Variants in DNAAF11 observed in about 807,000 individuals in gnomAD.
The protein encoded by DNAAF11 is dynein axonemal assembly factor 11.
A neutral mutation model predicts 60.8 loss-of-function variants in DNAAF11; 45 were observed. The ratio of observed to expected loss-of-function variants is 0.74; its 90% confidence interval spans 0.58 to 0.95. The LOEUF (loss-of-function observed/expected upper bound fraction) is 0.95. DNAAF11 is among the 40% of genes least tolerant of loss of function. DNAAF11 has a pLI of 0.00. For missense variants in DNAAF11, 546 were observed against 546.2 expected, an observed-to-expected ratio of 1.00 and a Z score of 0.00; for synonymous variants, 191 against 183.5, an observed-to-expected ratio of 1.04 and a Z score of -0.33.
chr8:132,668,802 A>G (rs1442236738), intron 1 of DNAAF11, among the ~76,000 whole-genome samples: 1 of 152,180 alleles, frequency 6.6e-6, no homozygotes, highest in Non-Finnish European at 1.5e-5. Flanking sequence ...AGGGCACCTT[A>G]GGCCATCGTG....
intron 10 of DNAAF11, among the ~76,000 whole-genome samples, chr8:132,607,805 A>G (rs1291292252): frequency 6.6e-6 from 1 of 152,170 alleles, no homozygotes; most frequent in Non-Finnish European, 1.5e-5. Flanking sequence ...ATGATATTTT[A>G]TCATATTAAA....
At chr8:132,617,292 C>T (rs902148016) in intron 7 of DNAAF11, among the ~76,000 whole-genome samples, 1 of 151,618 alleles carries the variant, frequency 6.6e-6, no homozygotes, top group Non-Finnish European at 1.5e-5. Context: ...TATAGGGCAC[C>T]CAAAAAACAA....
chr8:132,643,613 A>C, intron 3 of DNAAF11: 1 of 456,142 alleles, frequency 2.2e-6, no homozygotes, highest in Non-Finnish European at 4.4e-6. Context: ...GGGTAGGAGA[A>C]AATTGAGAAC....
chr8:132,612,700 C>A (rs927544437), intron 8 of DNAAF11, among the ~76,000 whole-genome samples: 7 of 152,168 alleles, frequency 4.6e-5, no homozygotes, highest in Non-Finnish European at 1.0e-4. Flanking sequence ...CCATGCCTGG[C>A]ACATAGTAGG....
intron 3 of DNAAF11, among the ~76,000 whole-genome samples, chr8:132,652,221 C>G (rs750516937): frequency 3.3e-5 from 5 of 152,176 alleles, no homozygotes; most frequent in African/African-American, 4.8e-5. Flanking sequence ...CACCCACTTG[C>G]AGAGTACACA....
At chr8:132,631,900 G>GAT (rs1417838619) in intron 5 of DNAAF11, among the ~76,000 whole-genome samples, 1 of 151,974 alleles carries the variant, frequency 6.6e-6, no homozygotes, top group Non-Finnish European at 1.5e-5. Flanking sequence ...AGCATTAGGA[G>GAT]ATATACCTAA....
At chr8:132,611,209 A>G (rs1586574863) in intron 9 of DNAAF11, 85 bp downstream of exon 9, 1 of 996,710 alleles carries the variant, frequency 1.0e-6, no homozygotes, top group Admixed American at 2.1e-5. Flanking sequence ...TTCTATTTTA[A>G]TAATACTTAA....
the DNAAF11 span, among the ~76,000 whole-genome samples, chr8:132,695,684 G>A: frequency 6.6e-6 from 1 of 152,206 alleles, no homozygotes; most frequent in South Asian, 2.1e-4. Flanking sequence ...AGATGATTGC[G>A]AGGCACCACC....
At position 132,639,505 on chromosome 8, in the gene DNAAF11, C is replaced by T. The variant is rs183150685; in HGVS notation, c.257-1398G>A. Among the ~76,000 whole-genome samples the T allele has an allele frequency of 2.7e-4, 41 of 152,244 alleles. 1 individual carries two copies. Among genetic ancestry groups the T allele is most frequent in the African/African-American group, 8.9e-4 (37 of 41,548 alleles). ...TGAATTTTGGTTCCTGATAGATTAA[C>T]GTCACCAATATGAATTTGATTCAGA... On this transcript the variant is annotated intron_variant, in intron 3 of 11. Transcript: ENST00000620350.
At chr8:132,701,108 G>T in the DNAAF11 span, among the ~76,000 whole-genome samples, 1 of 152,140 alleles carries the variant, frequency 6.6e-6, no homozygotes, top group African/African-American at 2.4e-5. Context: ...TGAAGAGGGA[G>T]CCCTCATGGC....
chr8:132,578,309 A>G (rs116638225), intron 11 of DNAAF11: 2 of 588,800 alleles, frequency 3.4e-6, no homozygotes, highest in Non-Finnish European at 5.7e-6. Context: ...GATTTTAATT[A>G]CTCATGGATC....
chr8:132,581,239 G>A (rs1815294644), intron 11 of DNAAF11, among the ~76,000 whole-genome samples: 1 of 152,168 alleles, frequency 6.6e-6, no homozygotes, highest in Non-Finnish European at 1.5e-5. Flanking sequence ...CTCAGGGCAG[G>A]ATGGAATTTC....
chr8:132,643,107 G>A (rs556131580), intron 3 of DNAAF11, among the ~76,000 whole-genome samples: 7 of 152,298 alleles, frequency 4.6e-5, no homozygotes, highest in East Asian at 1.9e-4. Flanking sequence ...GACAGGAGGC[G>A]GAGCTCAGGC....
chr8:132,595,060 C>G (rs558806031), intron 10 of DNAAF11, among the ~76,000 whole-genome samples: 1 of 151,972 alleles, frequency 6.6e-6, no homozygotes, highest in Non-Finnish European at 1.5e-5. Flanking sequence ...GAGGTCTCCC[C>G]AGCTATGTGG....
In DNAAF11 at chr8:132,611,465, C is replaced by T. The variant is rs1469342867; in HGVS notation, c.975-102G>A. 2.2e-5 allele frequency: 13 copies of T among 589,594 alleles called. 1 individual carries two copies. Among genetic ancestry groups the T allele is most frequent in the South Asian group, 1.3e-4 (5 of 38,952 alleles). 36.5% of individuals were successfully genotyped at this position (589,594 alleles called of 1,614,324 possible). A position where few individuals can be genotyped will look rare whatever the true frequency, so the allele number is the denominator to read the frequency against. On this transcript the variant is annotated intron_variant, in intron 8 of 11. Coordinates refer to ENST00000620350, the MANE Select transcript of DNAAF11 (RefSeq NM_012472.6). ...TTACAGGACCATTTTAAATGAAGGG[C>T]GTTTAAAATATCCATGCAAAATGGG...
At chr8:132,659,717 T>C (rs892818348) in intron 2 of DNAAF11, among the ~76,000 whole-genome samples, 4 of 152,176 alleles carry the variant, frequency 2.6e-5, no homozygotes, top group Admixed American at 2.6e-4. Flanking sequence ...CTAGGCTTTT[T>C]GCAAGCCTGA....
chr8:132,661,748 G>A, intron 1 of DNAAF11, 121 bp from the exon 2 acceptor site: 1 of 977,336 alleles, frequency 1.0e-6, no homozygotes, highest in Non-Finnish European at 1.6e-6. Flanking sequence ...AATTTTCCAG[G>A]CCCAAGCGAT....
At chr8:132,692,434 C>G in the DNAAF11 span, among the ~76,000 whole-genome samples, 1 of 152,212 alleles carries the variant, frequency 6.6e-6, no homozygotes, top group African/African-American at 2.4e-5. Flanking sequence ...TTTAGAGTGT[C>G]CATCAGCCTG....
chr8:132,574,881 G>A (rs572498037), intron 11 of DNAAF11, among the ~76,000 whole-genome samples: 1 of 152,108 alleles, frequency 6.6e-6, no homozygotes, highest in Non-Finnish European at 1.5e-5. Flanking sequence ...CAAATCTCTG[G>A]TATTAACATC....
Sources: gnomAD v4.1 joint callset for allele counts (sites outside exome capture counted in the v4.1 genomes callset) on GRCh38, gnomAD v4.1.1 for gene constraint, MANE v1.5 for transcripts, NCBI Gene and HGNC (gene_info 2026-07-23, HGNC 2026-07-21) for gene names.